The following TTC23L variants were observed in gnomAD, a reference collection of about 807,000 sequenced individuals.
TTC23L encodes tetratricopeptide repeat protein 23-like.
A neutral mutation model predicts 48.1 loss-of-function variants in TTC23L; 42 were observed. That is an observed-to-expected ratio of 0.87 (90% CI 0.68 to 1.13). The LOEUF is 1.13. Ranked by LOEUF, TTC23L falls within the 50% of genes most tolerant of loss-of-function variation. The pLI is 0.00. For missense variants in TTC23L, 391 were observed against 421.0 expected (o/e 0.93, Z 0.62); for synonymous variants, 159 against 157.2 (o/e 1.01, Z -0.09).
At chr5:34,842,289 C>T (rs914375571) in intron 2 of TTC23L, among the ~76,000 whole-genome samples, 1 of 151,810 alleles carries the variant, frequency 6.6e-6, no homozygotes, top group African/African-American at 2.4e-5. Flanking sequence ...TAATTCAGAC[C>T]AGCAATATTT....
rs376656364 is a variant in TTC23L, at chr5:34,860,370, C to T, written c.380-2528C>T. On this transcript the variant is annotated intron_variant, in intron 4 of 10. Transcript: ENST00000505624. ...AAAAACAAGATGAGTCCTACTTCTT[C>T]GATAAAGATTTTACTAACTATGTAT... 3.2e-4 allele frequency among the ~76,000 whole-genome samples: 49 copies of T among 152,296 alleles called. No homozygotes were observed. The East Asian group carries it at 4.6e-3, about 14-fold the overall frequency.
chr5:34,862,286 G>A (rs1234313794), intron 4 of TTC23L, among the ~76,000 whole-genome samples: 1 of 151,942 alleles, frequency 6.6e-6, no homozygotes, highest in East Asian at 1.9e-4. Flanking sequence ...TGACCAGTTA[G>A]TATCACCAGA....
the TTC23L span, chr5:34,914,679 G>T: frequency 1.2e-6 from 2 of 1,613,180 alleles, no homozygotes; most frequent in Admixed American, 1.7e-5. Context: ...AGGCTTAAAG[G>T]CGCCTACTTC....
rs1761586177 is a variant in TTC23L at position 34,873,105 on chromosome 5, T to C, written c.949+4092T>C. Among the ~76,000 whole-genome samples the C allele has an allele frequency of 2.0e-5, 3 of 151,640 alleles. No individual in the cohort carries two copies. In the South Asian group the frequency reaches 6.2e-4, roughly 32 times the overall value. On this transcript the variant is annotated intron_variant, in intron 8 of 10. Transcript: ENST00000505624. ...AAAAAAAAGGACCGGACTATATCTGTAGATATCAAGGTTAATTTTTTAAAA... is the reference window on the plus strand; with the variant it reads ...AAAAAAAAGGACCGGACTATATCTGCAGATATCAAGGTTAATTTTTTAAAA...
the TTC23L span, among the ~76,000 whole-genome samples, chr5:34,910,680 G>A: frequency 6.6e-5 from 10 of 152,150 alleles, no homozygotes; most frequent in African/African-American, 1.9e-4. Context: ...TGCCCACTTC[G>A]GCCTCCCAAA....
At chr5:34,894,373 A>G (rs961850153) in intron 9 of TTC23L, among the ~76,000 whole-genome samples, 2 of 152,180 alleles carry the variant, frequency 1.3e-5, no homozygotes, top group African/African-American at 4.8e-5. Flanking sequence ...TTTAAGTGTC[A>G]TGGAAGAATA....
the TTC23L span, chr5:34,918,158 A>G: frequency 2.8e-6 from 1 of 352,858 alleles, no homozygotes; most frequent in South Asian, 9.4e-5. Context: ...AAAAAAAAAA[A>G]AACTAGCTGG....
At chr5:34,859,667 A>G (rs1206012154) in intron 4 of TTC23L, among the ~76,000 whole-genome samples, 1 of 152,104 alleles carries the variant, frequency 6.6e-6, no homozygotes, top group Non-Finnish European at 1.5e-5. Flanking sequence ...TGGCGTCTTC[A>G]TCTTAGACTT....
At chr5:34,890,073 G>A (rs1265785716) in intron 9 of TTC23L, among the ~76,000 whole-genome samples, 2 of 151,818 alleles carry the variant, frequency 1.3e-5, no homozygotes, top group African/African-American at 2.4e-5. Context: ...TCTTGGCCTC[G>A]TGATCCACCC....
the TTC23L span, chr5:34,913,985 T>G: frequency 8.9e-4 from 405 of 456,944 alleles, 1 homozygote; most frequent in Non-Finnish European, 1.4e-3. Context: ...CTCGGTCTCC[T>G]GAGCAGCTGG....
chr5:34,922,523 A>T, the TTC23L span: 2 of 1,568,248 alleles, frequency 1.3e-6, no homozygotes, highest in Non-Finnish European at 1.8e-6. Context: ...GAAAAAGCTT[A>T]CTCCATATCT....
intron 8 of TTC23L, 149 bp from the exon 9 acceptor site, chr5:34,880,032 A>T: frequency 2.3e-6 from 2 of 856,722 alleles, no homozygotes; most frequent in Non-Finnish European, 3.4e-6. Context: ...AAAAAACCAC[A>T]CATCTTAGAC....
At chr5:34,860,038 A>G (rs916433078) in intron 4 of TTC23L, among the ~76,000 whole-genome samples, 28 of 151,712 alleles carry the variant, frequency 1.8e-4, no homozygotes, top group African/African-American at 4.6e-4. Context: ...TAGTAGAGAC[A>G]GGGTTTCACT....
At chr5:34,874,628 TG>T (rs1438126574) in intron 8 of TTC23L, among the ~76,000 whole-genome samples, 8 of 150,882 alleles carry the variant, frequency 5.3e-5, no homozygotes, top group Non-Finnish European at 1.2e-4. Flanking sequence ...GAGGCAGAGG[TG>T]GGGGGTTTGC....
chr5:34,905,281 T>G, the TTC23L span: 1 of 152,204 alleles, frequency 6.6e-6, no homozygotes, highest in African/African-American at 2.4e-5. Context: ...CCAATAGATT[T>G]TATTTCAGGT....
the TTC23L span, chr5:34,914,058 CCTCT>C: frequency 2.2e-6 from 1 of 454,920 alleles, no homozygotes; most frequent in African/African-American, 2.0e-5. Context: ...GTCTTATTTA[CCTCT>C]CTATCCCTGA....
chr5:34,840,237 C>CGT (rs1758506751), intron 1 of TTC23L, among the ~76,000 whole-genome samples: 1 of 43,612 alleles, frequency 2.3e-5, no homozygotes, highest in Admixed American at 3.0e-4. Context: ...GAAATGACCC[C>CGT]GGGGGGGGGG....
chr5:34,857,738 C>T (rs182584572), intron 4 of TTC23L, among the ~76,000 whole-genome samples: 5 of 152,218 alleles, frequency 3.3e-5, no homozygotes, highest in Admixed American at 2.6e-4. Flanking sequence ...CTTGCGACAA[C>T]TCTACAGGAT....
At chr5:34,877,228 G>C (rs1761912501) in intron 8 of TTC23L, among the ~76,000 whole-genome samples, 1 of 152,088 alleles carries the variant, frequency 6.6e-6, no homozygotes, top group African/African-American at 2.4e-5. Flanking sequence ...CATATCAATA[G>C]ATGCAGAAAG....
Sources: gnomAD v4.1 joint callset for allele counts (sites outside exome capture counted in the v4.1 genomes callset) on GRCh38, gnomAD v4.1.1 for gene constraint, MANE v1.5 for transcripts, NCBI Gene and HGNC (gene_info 2026-07-23, HGNC 2026-07-21) for gene names.